Variants in RPS6KC1 observed in about 807,000 individuals in gnomAD.
RPS6KC1 encodes ribosomal protein S6 kinase C1.
Under a neutral mutation model 103.8 loss-of-function variants are expected in RPS6KC1, and 54 were observed. The observed-to-expected ratio is 0.52, with a 90% confidence interval of 0.42 to 0.65. The LOEUF (loss-of-function observed/expected upper bound fraction) is 0.65. Ranked by LOEUF, RPS6KC1 falls within the 30% of genes least tolerant of loss-of-function variation. The pLI, the probability that RPS6KC1 is intolerant of heterozygous loss-of-function variation, is 0.00. For synonymous variants in RPS6KC1, 439 were observed against 438.7 expected, an observed-to-expected ratio of 1.00 and a Z score of -0.01; for missense variants, 1,151 against 1,253.8, an observed-to-expected ratio of 0.92 and a Z score of 1.24.
intron 14 of RPS6KC1, among the ~76,000 whole-genome samples, chr1:213,269,159 G>A (rs996997301): frequency 6.6e-6 from 1 of 152,176 alleles, no homozygotes; most frequent in African/African-American, 2.4e-5. Flanking sequence ...CCACGAAAGA[G>A]CTGGAGTGGC....
chr1:213,229,443 C>G (rs2094037009), intron 8 of RPS6KC1, among the ~76,000 whole-genome samples: 1 of 151,944 alleles, frequency 6.6e-6, no homozygotes, highest in Admixed American at 6.6e-5. Context: ...TTGCTGATTT[C>G]TGTAGTACAA....
chr1:213,844,603 C>T, the RPS6KC1 span, among the ~76,000 whole-genome samples: 1 of 151,814 alleles, frequency 6.6e-6, no homozygotes, highest in Admixed American at 6.6e-5. Flanking sequence ...ATGGTCTTCC[C>T]AAAGTTACAA....
At chr1:213,480,978 T>A in the RPS6KC1 span, among the ~76,000 whole-genome samples, 1 of 152,178 alleles carries the variant, frequency 6.6e-6, no homozygotes. Flanking sequence ...GACAGATCCT[T>A]CTTTGACAGT....
chr1:213,364,196 A>G, the RPS6KC1 span, among the ~76,000 whole-genome samples: 1 of 152,156 alleles, frequency 6.6e-6, no homozygotes, highest in Non-Finnish European at 1.5e-5. Flanking sequence ...ATTTACAAAA[A>G]CAGGCAGTGG....
chr1:213,798,239 A>G, the RPS6KC1 span, among the ~76,000 whole-genome samples: 2 of 152,228 alleles, frequency 1.3e-5, no homozygotes, highest in Non-Finnish European at 2.9e-5. Context: ...GTTAACTTCA[A>G]AAGGTGACCA....
intron 8 of RPS6KC1, among the ~76,000 whole-genome samples, chr1:213,179,398 G>C (rs1470530346): frequency 6.6e-6 from 1 of 150,582 alleles, no homozygotes. Flanking sequence ...CTGGGCAACA[G>C]AGCCAGACCC....
chr1:213,673,272 G>C, the RPS6KC1 span, among the ~76,000 whole-genome samples: 6 of 152,232 alleles, frequency 3.9e-5, no homozygotes, highest in African/African-American at 1.4e-4. Flanking sequence ...TAAGTCAGGA[G>C]TAGTTAAGTT....
At chr1:213,331,343 G>A in the RPS6KC1 span, among the ~76,000 whole-genome samples, 3 of 152,136 alleles carry the variant, frequency 2.0e-5, no homozygotes, top group African/African-American at 7.2e-5. Flanking sequence ...CTCACCTATG[G>A]GTGAGTACTT....
the RPS6KC1 span, among the ~76,000 whole-genome samples, chr1:213,721,368 GT>G: frequency 1.3e-5 from 2 of 152,116 alleles, no homozygotes; most frequent in African/African-American, 4.8e-5. Context: ...CATGGCGGTG[GT>G]TTCCCCCATA....
the RPS6KC1 span, among the ~76,000 whole-genome samples, chr1:213,799,407 G>A: frequency 3.9e-5 from 6 of 152,152 alleles, no homozygotes; most frequent in Non-Finnish European, 4.4e-5. Context: ...TGAGCCATTG[G>A]GCCTAGAGAT....
At chr1:213,184,928 A>G (rs566888155) in intron 8 of RPS6KC1, among the ~76,000 whole-genome samples, 1 of 152,218 alleles carries the variant, frequency 6.6e-6, no homozygotes, top group East Asian at 1.9e-4. Flanking sequence ...TACAGAATGT[A>G]CCATGTGCTG....
At chr1:213,148,531 CT>C (rs1558417583) in intron 6 of RPS6KC1, among the ~76,000 whole-genome samples, 1 of 152,118 alleles carries the variant, frequency 6.6e-6, no homozygotes. Flanking sequence ...GTAAATCCCC[CT>C]GGTCATGATG....
chr1:213,378,863 T>C, the RPS6KC1 span, among the ~76,000 whole-genome samples: 11 of 152,226 alleles, frequency 7.2e-5, no homozygotes, highest in Middle Eastern at 0.01. Context: ...CCATGTTCAT[T>C]CTGGAGAAAA....
In RPS6KC1 at chr1:213,153,170, A is replaced by G. The variant is rs556500523; in HGVS notation, c.836-14688A>G. 7.2e-5 allele frequency among the ~76,000 whole-genome samples: 11 copies of G among 152,212 alleles called. No individual in the cohort carries two copies. The East Asian group carries it at 1.9e-3, about 27-fold the overall frequency. ...GGCAGGGAGGTTGCAGTGAGCCGAGATGGCAGCAGTACAGTCTAGCTTCGG... is the reference window on the plus strand; with the variant it reads ...GGCAGGGAGGTTGCAGTGAGCCGAGGTGGCAGCAGTACAGTCTAGCTTCGG... On this transcript the variant is annotated intron_variant, in intron 6 of 14. Coordinates refer to ENST00000366960, the MANE Select transcript of RPS6KC1 (RefSeq NM_012424.6).
At chr1:213,052,923 A>G (rs111234541) in intron 1 of RPS6KC1, among the ~76,000 whole-genome samples, 1 of 152,202 alleles carries the variant, frequency 6.6e-6, no homozygotes, top group Non-Finnish European at 1.5e-5. Flanking sequence ...CACAATTCAG[A>G]TAAATGTGAG....
the RPS6KC1 span, among the ~76,000 whole-genome samples, chr1:213,803,316 G>A: frequency 1.0e-4 from 15 of 146,604 alleles, no homozygotes; most frequent in East Asian, 1.6e-3. Flanking sequence ...GCATGATCTC[G>A]GCTCACTGCA....
chr1:213,427,756 A>G, the RPS6KC1 span, among the ~76,000 whole-genome samples: 1 of 152,158 alleles, frequency 6.6e-6, no homozygotes, highest in Admixed American at 6.5e-5. Context: ...GTTTTTCCAA[A>G]TGTTCTCGTG....
the RPS6KC1 span, among the ~76,000 whole-genome samples, chr1:213,395,808 C>A: frequency 6.6e-6 from 1 of 152,174 alleles, no homozygotes; most frequent in Non-Finnish European, 1.5e-5. Context: ...GGTTTGTGGG[C>A]GGGCTGCAGG....
At chr1:213,590,956 T>C in the RPS6KC1 span, among the ~76,000 whole-genome samples, 1 of 152,196 alleles carries the variant, frequency 6.6e-6, no homozygotes, top group African/African-American at 2.4e-5. Context: ...TGGGATAAAC[T>C]GCAGCCCCCA....
Sources: allele counts gnomAD v4.1 joint callset (sites outside exome capture counted in the v4.1 genomes callset), GRCh38; gene constraint gnomAD v4.1.1; transcripts MANE v1.5; gene names NCBI Gene and HGNC (gene_info 2026-07-23, HGNC 2026-07-21).